The following SNTG1 variants were observed in gnomAD, a reference collection of about 807,000 sequenced individuals.
SNTG1 encodes gamma-1-syntrophin.
SNTG1 carries 39 observed loss-of-function variants against 74.7 expected under a neutral mutation model. The ratio of observed to expected loss-of-function variants is 0.52; its 90% confidence interval spans 0.40 to 0.68. The LOEUF is 0.68. Among genes scored for constraint, SNTG1 ranks in the 30% least tolerant of loss-of-function variants. The pLI is 0.00. For missense variants in SNTG1, 685 were observed against 609.5 expected, an observed-to-expected ratio of 1.12 and a Z score of -1.30; for synonymous variants, 254 against 217.1, an observed-to-expected ratio of 1.17 and a Z score of -1.49.
At chr8:50,260,886 GA>G (rs1314777553) in intron 2 of SNTG1, among the ~76,000 whole-genome samples, 1 of 152,036 alleles carries the variant, frequency 6.6e-6, no homozygotes, top group East Asian at 1.9e-4. Flanking sequence ...TTTTTCTGTA[GA>G]AACTTCCATA....
intron 13 of SNTG1, among the ~76,000 whole-genome samples, chr8:50,626,914 T>A (rs1393330190): frequency 1.3e-5 from 2 of 152,164 alleles, no homozygotes; most frequent in Non-Finnish European, 2.9e-5. Flanking sequence ...TTATGTTTTA[T>A]CTTTTTGAGT....
intron 13 of SNTG1, among the ~76,000 whole-genome samples, chr8:50,637,744 G>C (rs948444849): frequency 6.6e-6 from 1 of 151,960 alleles, no homozygotes; most frequent in African/African-American, 2.4e-5. Flanking sequence ...ATTTAAATTA[G>C]TCATATCAAT....
chr8:49,991,582 GAA>G (rs1813694039), intron 1 of SNTG1, among the ~76,000 whole-genome samples: 1 of 152,030 alleles, frequency 6.6e-6, no homozygotes, highest in South Asian at 2.1e-4. Flanking sequence ...CTCTATAATG[GAA>G]GAATATTTGA....
chr8:50,240,934 C>T (rs1301548265), intron 2 of SNTG1, among the ~76,000 whole-genome samples: 2 of 151,194 alleles, frequency 1.3e-5, no homozygotes, highest in African/African-American at 2.4e-5. Context: ...ATTTTTTTTC[C>T]CTAACAACGA....
intron 1 of SNTG1, among the ~76,000 whole-genome samples, chr8:49,989,390 A>G (rs924913678): frequency 6.6e-6 from 1 of 151,972 alleles, no homozygotes; most frequent in Non-Finnish European, 1.5e-5. Context: ...AACTATAGAA[A>G]TTGACTCAAA....
At chr8:50,229,884 T>A (rs2085529059) in intron 2 of SNTG1, among the ~76,000 whole-genome samples, 3 of 151,574 alleles carry the variant, frequency 2.0e-5, no homozygotes, top group African/African-American at 7.2e-5. Flanking sequence ...CAAAGTCTAT[T>A]CTCAGACTTC....
chr8:50,545,574 C>T (rs2094381442), intron 11 of SNTG1, among the ~76,000 whole-genome samples: 1 of 149,156 alleles, frequency 6.7e-6, no homozygotes, highest in African/African-American at 2.5e-5. Context: ...GCTGAAAGTA[C>T]TCAATAAATA....
At chr8:50,000,588 T>A (rs564664297) in intron 1 of SNTG1, among the ~76,000 whole-genome samples, 6 of 152,184 alleles carry the variant, frequency 3.9e-5, no homozygotes, top group African/African-American at 1.4e-4. Context: ...AAAGCTTGCC[T>A]GTAGTGCAAA....
At chr8:50,390,214 T>G (rs1207044388) in intron 2 of SNTG1, among the ~76,000 whole-genome samples, 6 of 152,222 alleles carry the variant, frequency 3.9e-5, no homozygotes, top group Non-Finnish European at 5.9e-5. Flanking sequence ...TTTATAGTTT[T>G]AGGTCTAACA....
intron 2 of SNTG1, among the ~76,000 whole-genome samples, chr8:50,298,694 G>T (rs1043085955): frequency 3.9e-5 from 6 of 152,132 alleles, no homozygotes; most frequent in African/African-American, 1.4e-4. Flanking sequence ...TTGGATCAGA[G>T]AAACAGAACA....
chr8:50,091,664 T>G (rs1443070633), intron 1 of SNTG1, among the ~76,000 whole-genome samples: 1 of 152,194 alleles, frequency 6.6e-6, no homozygotes, highest in African/African-American at 2.4e-5. Flanking sequence ...TGTGTGTATG[T>G]ATCATGATTC....
intron 1 of SNTG1, among the ~76,000 whole-genome samples, chr8:50,034,435 T>G (rs552067194): frequency 9.0e-4 from 137 of 152,362 alleles, no homozygotes; most frequent in African/African-American, 3.2e-3. Flanking sequence ...TTTAAGAAGT[T>G]TATATACAAG....
intron 17 of SNTG1, among the ~76,000 whole-genome samples, chr8:50,745,737 G>T (rs997005931): frequency 6.6e-6 from 1 of 151,958 alleles, no homozygotes; most frequent in Admixed American, 6.6e-5. Context: ...GATGGGCCTC[G>T]AAAACCTTAC....
intron 1 of SNTG1, among the ~76,000 whole-genome samples, chr8:49,970,296 C>T (rs1236788832): frequency 2.0e-5 from 3 of 152,078 alleles, no homozygotes; most frequent in Admixed American, 6.6e-5. Flanking sequence ...CTGGGTAGTG[C>T]TGCAAACAGA....
chr8:50,259,508 A>AAAAAGAAAG (rs1554621879), intron 2 of SNTG1, among the ~76,000 whole-genome samples: 490 of 15,646 alleles, frequency 0.031, 11 homozygotes, highest in Non-Finnish European at 0.037. Context: ...CAAAAAAAAA[A>AAAAAGAAAG]AAAGAAAGAA....
At chr8:50,337,854 A>T (rs1328811783) in intron 2 of SNTG1, among the ~76,000 whole-genome samples, 1 of 152,194 alleles carries the variant, frequency 6.6e-6, no homozygotes, top group African/African-American at 2.4e-5. Flanking sequence ...AGTGTCTTTT[A>T]GGCCGGGCGC....
intron 13 of SNTG1, among the ~76,000 whole-genome samples, chr8:50,626,966 A>G (rs920863403): frequency 6.6e-6 from 1 of 152,278 alleles, no homozygotes; most frequent in East Asian, 1.9e-4. Flanking sequence ...CTCATCTTAT[A>G]TGTCATTACA....
chr8:50,704,600 G>C lies in SNTG1; in HGVS notation c.1039G>C (p.Asp347His), dbSNP rs377603086. 6.2e-7 allele frequency: 1 copy of C among 1,613,992 alleles called. No individual in the cohort carries two copies. The highest frequency in any genetic ancestry group is 1.3e-5 in the African/African-American group (1 of 74,918). The stretch of plus-strand genomic sequence containing the variant: ...CTGTGTAACTCCAGGTTTTCACCAG[G>C]ACAGTGACCTGCTGGACCGACGGAA... ...VYEIMCKILK[D>H]SDLLDRRKQC... is the part of the protein sequence containing the mutation. Residue 347 changes from aspartate to histidine, a missense_variant and splice_region_variant, in exon 16 of 19, where the codon GAC becomes CAC. Physicochemically the swap from Asp to His is moderately conservative, Grantham distance 81. Coordinates refer to ENST00000642720, the MANE Select transcript of SNTG1 (RefSeq NM_018967.5).
Position 49,911,822 on chromosome 8 carries a change from C to T in SNTG1, c.-512C>T, listed in dbSNP as rs750769202. On this transcript the variant is annotated 5_prime_UTR_variant, in exon 1 of 19. Coordinates refer to ENST00000642720, the MANE Select transcript of SNTG1 (RefSeq NM_018967.5). ...ACGGGCAGCTGGGCTACTTGCTCCT[C>T]GCAGCTAAAAGGCGGTGCCTCCTAT... 3 of 152,302 alleles carry T rather than the reference C, an allele frequency of 2.0e-5. No individual in the cohort carries two copies. Among genetic ancestry groups the T allele is most frequent in the Admixed American group, 6.5e-5 (1 of 15,288 alleles). 9.4% of individuals were successfully genotyped at this position (152,302 alleles called of 1,614,324 possible).
Sources: gnomAD v4.1 joint callset for allele counts (sites outside exome capture counted in the v4.1 genomes callset) on GRCh38, gnomAD v4.1.1 for gene constraint, MANE v1.5 for transcripts, NCBI Gene and HGNC (gene_info 2026-07-23, HGNC 2026-07-21) for gene names.